Variants in ATXN2 observed in about 807,000 individuals in gnomAD.
ATXN2 encodes ataxin-2.
A neutral mutation model predicts 138.6 loss-of-function variants in ATXN2; 37 were observed. That is an observed-to-expected ratio of 0.27 (90% CI 0.21 to 0.35). The LOEUF is 0.35. Among genes scored for constraint, ATXN2 ranks in the 10% least tolerant of loss-of-function variants. The pLI is 1.00. For missense variants in ATXN2, 1,216 were observed against 1,480.3 expected, an observed-to-expected ratio of 0.82 and a Z score of 2.93; for synonymous variants, 549 against 543.7, an observed-to-expected ratio of 1.01 and a Z score of -0.13.
intron 9 of ATXN2, among the ~76,000 whole-genome samples, chr12:111,517,088 A>C (rs979586648): frequency 1.3e-5 from 2 of 152,192 alleles, no homozygotes; most frequent in Non-Finnish European, 2.9e-5. Flanking sequence ...CTGCTTAATA[A>C]ATACTGCAAC....
chr12:111,489,469 C>T (rs1592824316), intron 14 of ATXN2, among the ~76,000 whole-genome samples: 1 of 152,006 alleles, frequency 6.6e-6, no homozygotes, highest in Non-Finnish European at 1.5e-5. Flanking sequence ...AAAAATTAGC[C>T]AGGCATGGTG....
In ATXN2 at chr12:111,453,626, G is replaced by A. The variant is rs377389882; in HGVS notation, c.3439+51C>T. The A allele has an allele frequency of 3.6e-5, 54 of 1,487,326 alleles. No individual in the cohort carries two copies. Among genetic ancestry groups the A allele is most frequent in the Middle Eastern group, 4.5e-4 (2 of 4,444 alleles). The allele number at this position is 1,487,326 out of a possible 1,614,324, so 92.1% of individuals were successfully genotyped here. ...GCCCTGCCTGCCATTCCACCTGTGC[G>A]AGCAGAATGCTTTGGGGTGCCCCGG... On this transcript the variant is annotated intron_variant, in intron 24 of 24. Transcript: ENST00000673436. The surrounding 1 kb of genome is among the most constrained non-coding windows in gnomAD (Gnocchi z 5.4).
At chr12:111,459,798 C>T (rs531413194) in intron 21 of ATXN2, among the ~76,000 whole-genome samples, 2 of 151,616 alleles carry the variant, frequency 1.3e-5, no homozygotes, top group South Asian at 2.1e-4. Flanking sequence ...TGCAGTGGAG[C>T]GATCTCGGCT....
At chr12:111,557,261 C>T (rs367753814) in intron 1 of ATXN2, among the ~76,000 whole-genome samples, 5 of 152,216 alleles carry the variant, frequency 3.3e-5, no homozygotes, top group African/African-American at 4.8e-5. Flanking sequence ...TCTAGTAACA[C>T]GACTGGTCGA....
intron 18 of ATXN2, chr12:111,484,970 C>A (rs1877534316): frequency 3.9e-6 from 1 of 258,288 alleles, no homozygotes; most frequent in Non-Finnish European, 7.4e-6. Flanking sequence ...TCAAGCAATC[C>A]TCCTGCCTTG....
chr12:111,519,837 G>A (rs760330268), intron 8 of ATXN2, 42 bp downstream of exon 8: 16 of 1,613,634 alleles, frequency 9.9e-6, no homozygotes, highest in Non-Finnish European at 1.2e-5. Context: ...CAGACCTTGA[G>A]TTGTGTATCC....
chr12:111,471,293 CTTTAT>C (rs1490361693), intron 18 of ATXN2: 1 of 154,180 alleles, frequency 6.5e-6, no homozygotes, highest in Non-Finnish European at 1.4e-5. Flanking sequence ...TAAAAGATTA[CTTTAT>C]GTCTTATCTT....
intron 21 of ATXN2, among the ~76,000 whole-genome samples, chr12:111,458,831 G>A (rs965792323): frequency 1.3e-5 from 2 of 152,192 alleles, no homozygotes; most frequent in African/African-American, 4.8e-5. Flanking sequence ...TATATTCCAC[G>A]TAAATGGTGT....
chr12:111,576,218 C>T (rs1008618312), intron 1 of ATXN2, among the ~76,000 whole-genome samples: 2 of 152,018 alleles, frequency 1.3e-5, no homozygotes, highest in Non-Finnish European at 1.5e-5. Flanking sequence ...TCGAGGTAGG[C>T]GGATCACTTG....
chr12:111,581,504 T>C, intron 1 of ATXN2: 1 of 1,026,502 alleles, frequency 9.7e-7, no homozygotes. Flanking sequence ...TCCCCCAATG[T>C]CCACCGTGAT....
At chr12:111,540,587 A>G (rs992930737) in intron 5 of ATXN2, among the ~76,000 whole-genome samples, 3 of 150,410 alleles carry the variant, frequency 2.0e-5, no homozygotes, top group African/African-American at 7.3e-5. Flanking sequence ...ACAAGTGAGG[A>G]GGGCCACCTT....
At chr12:111,551,055 T>C (rs1474329944) in intron 5 of ATXN2, among the ~76,000 whole-genome samples, 1 of 152,174 alleles carries the variant, frequency 6.6e-6, no homozygotes, top group Non-Finnish European at 1.5e-5. Flanking sequence ...TTCCAGCACT[T>C]TGGGAGGCCG....
At position 111,470,309 on chromosome 12, in the gene ATXN2, G is replaced by A. The variant is rs1166328011; in HGVS notation, c.2710-69C>T. The A allele has an allele frequency of 3.3e-6, 5 of 1,534,522 alleles. No homozygotes were observed. In the East Asian group the frequency reaches 1.1e-4, roughly 35 times the overall value. On this transcript the variant is annotated intron_variant, in intron 19 of 24. Coordinates refer to ENST00000673436, the MANE Select transcript of ATXN2 (RefSeq NM_001372574.1). ...ATAGAGCCAAGCAGACTTTAGTTAA[G>A]ATTTTTAACTCCATGGTTTCCAGAT... is the stretch of plus-strand genomic sequence containing the variant.
chr12:111,470,461 C>T, intron 19 of ATXN2, 97 bp downstream of exon 19: 2 of 1,416,626 alleles, frequency 1.4e-6, no homozygotes, highest in Non-Finnish European at 1.9e-6. Flanking sequence ...ACCCTACCAT[C>T]ACACAAAAGC....
At chr12:111,590,012 C>T (rs886280138) in intron 1 of ATXN2, among the ~76,000 whole-genome samples, 5 of 151,418 alleles carry the variant, frequency 3.3e-5, no homozygotes, top group Non-Finnish European at 5.9e-5. Flanking sequence ...GAGTTCAAGA[C>T]GAGCCTGGCC....
intron 14 of ATXN2, among the ~76,000 whole-genome samples, chr12:111,509,261 C>T (rs1879362694): frequency 6.6e-6 from 1 of 152,102 alleles, no homozygotes; most frequent in Non-Finnish European, 1.5e-5. Context: ...TAATATCTAG[C>T]TTCACTGAAC....
At chr12:111,497,184 A>T (rs970148010) in intron 14 of ATXN2, among the ~76,000 whole-genome samples, 26 of 152,168 alleles carry the variant, frequency 1.7e-4, no homozygotes, top group Non-Finnish European at 3.7e-4. Context: ...ACCCAAATAC[A>T]ATAACAAGTA....
Position 111,453,802 on chromosome 12 carries a change from T to A in ATXN2, c.3314A>T (p.His1105Leu). 6.2e-7 allele frequency: 1 copy of A among 1,614,068 alleles called. No individual in the cohort carries two copies. The highest frequency in any genetic ancestry group is 8.5e-7 in the Non-Finnish European group (1 of 1,179,978). Residue 1105 changes from histidine (H) to leucine (L), a missense_variant, in exon 24 of 25, where the codon CAT becomes CTT. By Grantham distance (99) the His-to-Leu change is moderately conservative. Transcript: ENST00000673436. The surrounding 1 kb of genome is among the most constrained non-coding windows in gnomAD (Gnocchi z 5.4). Reference sequence around the variant, plus strand: ...TGTCGTCATTAGCATCATTGGCGCATGGGCAGTTGGATGAGAAGGAACCAT... The same window carrying A: ...TGTCGTCATTAGCATCATTGGCGCAAGGGCAGTTGGATGAGAAGGAACCAT... ...SGMVPSHPTA[H>L]APMMLMTTQP...
At position 111,541,501 on chromosome 12, in the gene ATXN2, G is replaced by A. The variant is rs372275819; in HGVS notation, c.571+10779C>T. 6.8e-5 allele frequency among the ~76,000 whole-genome samples: 10 copies of A among 147,786 alleles called. No homozygotes were observed. In the East Asian group the frequency reaches 7.9e-4, roughly 12 times the overall value. ...CGAGTAGCTGGGACTACAGGTATGC[G>A]CCACCATGACCGGCTAATTTTGTAT... is the stretch of plus-strand genomic sequence containing the variant. On this transcript the variant is annotated intron_variant, in intron 5 of 24. Coordinates refer to ENST00000673436, the MANE Select transcript of ATXN2 (RefSeq NM_001372574.1).
Sources: gnomAD v4.1 joint callset for allele counts (sites outside exome capture counted in the v4.1 genomes callset) on GRCh38, gnomAD v4.1.1 for gene constraint, Gnocchi (gnomAD v3.1) non-coding constraint, MANE v1.5 for transcripts, NCBI Gene and HGNC (gene_info 2026-07-23, HGNC 2026-07-21) for gene names.